Variants in SMARCAD1 observed in about 807,000 individuals in gnomAD.
SMARCAD1 encodes SNF2 related chromatin remodeling ATPase with DExD box 1.
A neutral mutation model predicts 127.1 loss-of-function variants in SMARCAD1; 25 were observed. The observed-to-expected ratio is 0.20, with a 90% CI of 0.14 to 0.27. The LOEUF is 0.27. Among genes scored for constraint, SMARCAD1 ranks in the 10% least tolerant of loss-of-function variants. The pLI, the probability that SMARCAD1 is intolerant of heterozygous loss-of-function variation, is 1.00. For synonymous variants in SMARCAD1, 400 were observed against 396.9 expected (o/e 1.01, Z -0.09); for missense variants, 807 against 1,206.0 (o/e 0.67, Z 4.90).
chr4:94,228,006 C>T lies in SMARCAD1; in HGVS notation c.368+1710C>T, dbSNP rs560077263. On this transcript the variant is annotated intron_variant, in intron 3 of 23. Transcript: ENST00000354268. ...TGTAGAAGGTTCTGAGGAGGAGCAG[C>T]TATTGAGGTAAAAGGCTACATGGTC... 2.0e-5 allele frequency among the ~76,000 whole-genome samples: 3 copies of T among 152,176 alleles called. No individual in the cohort carries two copies. The South Asian group carries it at 6.2e-4, about 32-fold the overall frequency.
chr4:94,274,457 C>T (rs1288422865), intron 12 of SMARCAD1, among the ~76,000 whole-genome samples: 1 of 152,142 alleles, frequency 6.6e-6, no homozygotes, highest in Non-Finnish European at 1.5e-5. Context: ...GCTGGGACTA[C>T]AGGCGCCCGC....
At chr4:94,234,230 A>G in intron 4 of SMARCAD1, 108 bp downstream of exon 4, 2 of 1,009,406 alleles carry the variant, frequency 2.0e-6, no homozygotes, top group South Asian at 3.0e-5. Context: ...TTACGTTTGA[A>G]GATATTAACT....
intron 9 of SMARCAD1, among the ~76,000 whole-genome samples, chr4:94,264,174 A>G (rs1004942001): frequency 2.6e-5 from 4 of 151,858 alleles, no homozygotes; most frequent in Non-Finnish European, 5.9e-5. Flanking sequence ...GTGACAAATA[A>G]TTAGAGTTTT....
In SMARCAD1 at chr4:94,249,824, G is replaced by A. The variant is rs1037715712; in HGVS notation, c.807+69G>A. On this transcript the variant is annotated intron_variant, in intron 7 of 23. Transcript: ENST00000354268. The stretch of plus-strand genomic sequence containing the variant: ...TTTTTATTATAAAATAGTGTTAAGA[G>A]TTCAACCACATAAAAGCTTAGGGTG... The A allele has an allele frequency of 9.4e-5, 84 of 890,044 alleles. No homozygotes were observed. In the African/African-American group the frequency reaches 1.3e-3, roughly 14 times the overall value. The allele number at this position is 890,044 out of a possible 1,614,324, so 55.1% of individuals were successfully genotyped here.
At chr4:94,251,498 A>C (rs1407273463) in intron 8 of SMARCAD1, among the ~76,000 whole-genome samples, 1 of 152,182 alleles carries the variant, frequency 6.6e-6, no homozygotes, top group Non-Finnish European at 1.5e-5. Context: ...GATGGCACAG[A>C]AAATGATATT....
chr4:94,235,943 A>C (rs989339865), intron 4 of SMARCAD1, among the ~76,000 whole-genome samples: 1 of 152,144 alleles, frequency 6.6e-6, no homozygotes, highest in African/African-American at 2.4e-5. Context: ...TTAGTATATC[A>C]CACACTCCAG....
chr4:94,258,300 G>A (rs930070285), intron 9 of SMARCAD1, among the ~76,000 whole-genome samples: 35 of 151,894 alleles, frequency 2.3e-4, no homozygotes, highest in Admixed American at 1.5e-3. Context: ...GATTACAGGC[G>A]TCTACCACCA....
At chr4:94,241,652 T>C (rs1251539367) in intron 6 of SMARCAD1, among the ~76,000 whole-genome samples, 1 of 152,204 alleles carries the variant, frequency 6.6e-6, no homozygotes, top group East Asian at 1.9e-4. Flanking sequence ...ATATCTTTCA[T>C]GATGAATCGT....
At chr4:94,270,938 C>G in intron 11 of SMARCAD1, 120 bp downstream of exon 11, 1 of 774,202 alleles carries the variant, frequency 1.3e-6, no homozygotes, top group South Asian at 1.5e-5. Flanking sequence ...ACCTCAGTAC[C>G]TTATATTTTA....
chr4:94,263,348 G>A (rs1053396427), intron 9 of SMARCAD1, among the ~76,000 whole-genome samples: 1 of 152,040 alleles, frequency 6.6e-6, no homozygotes, highest in Non-Finnish European at 1.5e-5. Context: ...TTAAGACACT[G>A]ATTGTTATCT....
At chr4:94,208,957 T>C (rs1297719326) in intron 2 of SMARCAD1, among the ~76,000 whole-genome samples, 1 of 152,208 alleles carries the variant, frequency 6.6e-6, no homozygotes, top group Non-Finnish European at 1.5e-5. Context: ...CTCAAAATAT[T>C]GATCATCTAC....
At chr4:94,252,558 T>G (rs1162661877) in intron 8 of SMARCAD1, 58 bp from the exon 9 acceptor site, 2 of 1,204,938 alleles carry the variant, frequency 1.7e-6, no homozygotes, top group Non-Finnish European at 2.3e-6. Context: ...TTATTTGAAG[T>G]CTATCTTTAT....
chr4:94,262,713 A>G (rs529480627), intron 9 of SMARCAD1, among the ~76,000 whole-genome samples: 32 of 152,198 alleles, frequency 2.1e-4, no homozygotes, highest in African/African-American at 6.7e-4. Flanking sequence ...AGGAATTACT[A>G]GGTCTTAGAT....
intron 19 of SMARCAD1, 116 bp downstream of exon 19, chr4:94,279,166 CTTT>C (rs201562165): frequency 3.8e-6 from 5 of 1,313,534 alleles, no homozygotes; most frequent in Non-Finnish European, 5.2e-6. Context: ...TTAAGAAAAA[CTTT>C]TTTTTTTCAG....
chr4:94,216,596 T>C (rs1375045290), intron 2 of SMARCAD1, among the ~76,000 whole-genome samples: 1 of 152,230 alleles, frequency 6.6e-6, no homozygotes, highest in Non-Finnish European at 1.5e-5. Context: ...AAACTCTTTA[T>C]GCATTGAACA....
At chr4:94,255,800 TATTA>T (rs1402026555) in intron 9 of SMARCAD1, among the ~76,000 whole-genome samples, 3 of 152,044 alleles carry the variant, frequency 2.0e-5, no homozygotes, top group African/African-American at 7.2e-5. Flanking sequence ...TATAATCATT[TATTA>T]GTCAAAATTT....
chr4:94,234,100 G>T lies in SMARCAD1; in HGVS notation c.515G>T (p.Arg172Ile). 6.2e-7 allele frequency: 1 copy of T among 1,609,352 alleles called. No individual in the cohort carries two copies. The highest frequency in any genetic ancestry group is 8.5e-7 in the Non-Finnish European group (1 of 1,177,228). ...LQTLKELFPQ[R>I]SDNDLLKLIE... Reference sequence around the variant, plus strand: ...ACTTTGAAGGAACTTTTTCCACAAAGAAGTGACAATGATTTACTTAAGGTT... The same window carrying T: ...ACTTTGAAGGAACTTTTTCCACAAATAAGTGACAATGATTTACTTAAGGTT... Residue 172 changes from arginine (R) to isoleucine (I), a missense_variant, in exon 4 of 24, where the codon AGA (arginine) becomes ATA (isoleucine). Around this residue, in one of 8 missense-constraint regions of SMARCAD1, gnomAD observed 48 missense variants for 90.8 expected, o/e 0.53. Transcript: ENST00000354268.
At chr4:94,212,940 C>T (rs1355310869) in intron 2 of SMARCAD1, 3 of 559,828 alleles carry the variant, frequency 5.4e-6, no homozygotes, top group Non-Finnish European at 9.2e-6. Context: ...ACCTCTGCCC[C>T]CTGATTTATT....
intron 22 of SMARCAD1, among the ~76,000 whole-genome samples, chr4:94,283,714 A>G (rs927330994): frequency 6.6e-6 from 1 of 151,700 alleles, no homozygotes; most frequent in Non-Finnish European, 1.5e-5. Flanking sequence ...AGTCCCAGCT[A>G]CTAGGGAGGC....
Sources: gnomAD v4.1 joint callset for allele counts (sites outside exome capture counted in the v4.1 genomes callset) on GRCh38, gnomAD v4.1.1 for gene constraint, gnomAD v4.1.1 regional missense constraint, MANE v1.5 for transcripts, NCBI Gene and HGNC (gene_info 2026-07-23, HGNC 2026-07-21) for gene names.